DOK6: variants seen among roughly 807,000 people sequenced by gnomAD.
DOK6 encodes the protein downstream of tyrosine kinase 6.
DOK6 carries 22 observed loss-of-function variants against 44.0 expected under a neutral mutation model. That is an observed-to-expected ratio of 0.50 (90% confidence interval 0.36 to 0.71). The LOEUF (loss-of-function observed/expected upper bound fraction) is 0.71. DOK6 is among the 30% of genes least tolerant of loss of function. The pLI is 0.00. For synonymous variants in DOK6, 166 were observed against 145.5 expected (o/e 1.14, Z -1.01); for missense variants, 340 against 416.4 (o/e 0.82, Z 1.60).
Position 69,844,850 on chromosome 18 carries a change from G to A in DOK6, c.*3467G>A, listed in dbSNP as rs1045634360. The A allele has an allele frequency of 7.2e-5, 11 of 152,272 alleles. No individual in the cohort carries two copies. Among genetic ancestry groups the A allele is most frequent in the South Asian group, 2.1e-4 (1 of 4,824 alleles). The allele number at this position is 152,272 out of a possible 1,614,324, so 9.4% of individuals were successfully genotyped here. On this transcript the variant is annotated 3_prime_UTR_variant, in exon 8 of 8. Coordinates refer to ENST00000382713, the MANE Select transcript of DOK6 (RefSeq NM_152721.6). The stretch of plus-strand genomic sequence containing the variant: ...TAGAGAACTAGTCCTAGTATCTTGC[G>A]TAATTCTTCTCTGTCTTCATTGGGA...
intron 1 of DOK6, among the ~76,000 whole-genome samples, chr18:69,462,395 T>C (rs760008788): frequency 1.3e-5 from 2 of 152,012 alleles, no homozygotes; most frequent in Non-Finnish European, 2.9e-5. Flanking sequence ...TGTCTGTGTG[T>C]ATGTGTGTGT....
chr18:69,843,757 G>C lies in DOK6; in HGVS notation c.*2374G>C, dbSNP rs546618135. ...GCCAGTTCATTCTGAAAATGATGTC[G>C]TAAAAAGAGTATGTGTGAGAGAAAT... On this transcript the variant is annotated 3_prime_UTR_variant, in exon 8 of 8. Coordinates refer to ENST00000382713, the MANE Select transcript of DOK6 (RefSeq NM_152721.6). 1 of 152,198 alleles carries C rather than the reference G, an allele frequency of 6.6e-6. No individual in the cohort carries two copies. Among genetic ancestry groups the C allele is most frequent in the Admixed American group, 6.5e-5 (1 of 15,276 alleles). 9.4% of individuals were successfully genotyped at this position (152,198 alleles called of 1,614,324 possible). A position where few individuals can be genotyped will look rare whatever the true frequency, so the allele number is the denominator to read the frequency against.
rs60662789 is a variant in DOK6, at chr18:69,694,058, C to CAAAAAAAAAAAAAA, written c.410-4327_410-4314dup. On this transcript the variant is annotated intron_variant, in intron 4 of 7. Transcript: ENST00000382713. ...TGGGCGACAGAGCGAGACTCCGTGT[C>CAAAAAAAAAAAAAA]AAAAAAAAAAAAAAAAAAAAAAAAA... 4.8e-4 allele frequency among the ~76,000 whole-genome samples: 30 copies of CAAAAAAAAAAAAAA among 62,006 alleles called. 1 individual carries two copies. Among genetic ancestry groups the CAAAAAAAAAAAAAA allele is most frequent in the East Asian group, 2.1e-3 (3 of 1,436 alleles). The allele number at this position is 62,006 out of a possible 152,430, so 40.7% of individuals were successfully genotyped here. A position where few individuals can be genotyped will look rare whatever the true frequency, so the allele number is the denominator to read the frequency against.
At chr18:69,589,323 GTACTATTT>G (rs1418145480) in intron 2 of DOK6, among the ~76,000 whole-genome samples, 1 of 151,748 alleles carries the variant, frequency 6.6e-6, no homozygotes, top group Non-Finnish European at 1.5e-5. Context: ...CTCCTAGAAG[GTACTATTT>G]TACTCTCAAA....
chr18:69,481,750 G>A (rs533357271), intron 1 of DOK6, among the ~76,000 whole-genome samples: 31 of 152,172 alleles, frequency 2.0e-4, no homozygotes, highest in Non-Finnish European at 4.1e-4. Flanking sequence ...TAATGGGATG[G>A]CTGGGTCAAA....
chr18:69,458,009 G>A (rs1481701913), intron 1 of DOK6, among the ~76,000 whole-genome samples: 1 of 152,152 alleles, frequency 6.6e-6, no homozygotes, highest in Non-Finnish European at 1.5e-5. Context: ...TGGGCGTGGT[G>A]GCGCATGCCT....
In DOK6 at chr18:69,841,505, C is replaced by T; in HGVS notation, c.*122C>T. On this transcript the variant is annotated 3_prime_UTR_variant, in exon 8 of 8. Transcript: ENST00000382713. ...AATTGAAATGGGTCGGCTCTAGCCCCAGTCCCATTGGAAGGTTAAAAACTG... is the reference window on the plus strand; with the variant it reads ...AATTGAAATGGGTCGGCTCTAGCCCTAGTCCCATTGGAAGGTTAAAAACTG... The T allele has an allele frequency of 1.5e-6, 2 of 1,354,024 alleles. No individual in the cohort carries two copies. Among genetic ancestry groups the T allele is most frequent in the Non-Finnish European group, 2.0e-6 (2 of 1,020,426 alleles). 83.9% of individuals were successfully genotyped at this position (1,354,024 alleles called of 1,614,324 possible).
At chr18:69,681,671 G>A (rs1986048266) in intron 4 of DOK6, among the ~76,000 whole-genome samples, 2 of 152,286 alleles carry the variant, frequency 1.3e-5, no homozygotes, top group South Asian at 2.1e-4. Flanking sequence ...GGATCTCCAG[G>A]TCTTTCAGTA....
In DOK6 at chr18:69,518,465, G is replaced by C. The variant is rs939694262; in HGVS notation, c.67-46022G>C. On this transcript the variant is annotated intron_variant, in intron 1 of 7. Coordinates refer to ENST00000382713, the MANE Select transcript of DOK6 (RefSeq NM_152721.6). The stretch of plus-strand genomic sequence containing the variant: ...ATGGTCAGTTATAAGGAAATACCTT[G>C]GTTACTTACAAAAAATATTGCATTG... Among the ~76,000 whole-genome samples the C allele has an allele frequency of 2.6e-5, 4 of 151,942 alleles. No homozygotes were observed. The East Asian group carries it at 7.7e-4, about 29-fold the overall frequency.
chr18:69,458,502 C>T (rs1979692701), intron 1 of DOK6, among the ~76,000 whole-genome samples: 1 of 152,152 alleles, frequency 6.6e-6, no homozygotes. Context: ...TGCCCACTCT[C>T]ACCACTCCTA....
In DOK6 at chr18:69,846,289, CT is replaced by C. The variant is rs1446150496; in HGVS notation, c.*4907del. 1 of 152,168 alleles carries C rather than the reference CT, an allele frequency of 6.6e-6. No homozygotes were observed. The highest frequency in any genetic ancestry group is 1.5e-5 in the Non-Finnish European group (1 of 68,030). 9.4% of individuals were successfully genotyped at this position (152,168 alleles called of 1,614,324 possible). ...GGGAGAAAACTGAAACCCATGGATG[CT>C]GTAATTTGTTTAACGGCAAAGAAAG... On this transcript the variant is annotated 3_prime_UTR_variant, in exon 8 of 8. Coordinates refer to ENST00000382713, the MANE Select transcript of DOK6 (RefSeq NM_152721.6).
At chr18:69,793,925 CTCTTT>C (rs1980670817) in intron 7 of DOK6, among the ~76,000 whole-genome samples, 1 of 152,038 alleles carries the variant, frequency 6.6e-6, no homozygotes, top group African/African-American at 2.4e-5. Context: ...AAACTGAGGA[CTCTTT>C]TCTTGTTTTG....
intron 7 of DOK6, among the ~76,000 whole-genome samples, chr18:69,807,294 A>G (rs1449856631): frequency 6.6e-6 from 1 of 151,952 alleles, no homozygotes; most frequent in African/African-American, 2.4e-5. Flanking sequence ...TAGTAGATAC[A>G]CAGAAAACAG....
At position 69,728,344 on chromosome 18, in the gene DOK6, C is replaced by CA. The variant is rs142235537; in HGVS notation, c.600-10620dup. Among the ~76,000 whole-genome samples, 718 of 152,324 alleles carry CA rather than the reference C, an allele frequency of 4.7e-3. 3 individuals are homozygous for CA. Among genetic ancestry groups the CA allele is most frequent in the African/African-American group, 0.016 (658 of 41,560 alleles). On this transcript the variant is annotated intron_variant, in intron 5 of 7. Coordinates refer to ENST00000382713, the MANE Select transcript of DOK6 (RefSeq NM_152721.6). ...TCTAATTTTTTTCCCCACAGTCACCCAGGTCCAGATGGAACAAGGTTGCCT... is the reference window on the plus strand; with the variant it reads ...TCTAATTTTTTTCCCCACAGTCACCCAAGGTCCAGATGGAACAAGGTTGCCT...
At chr18:69,504,867 T>C (rs962919945) in intron 1 of DOK6, among the ~76,000 whole-genome samples, 1 of 152,206 alleles carries the variant, frequency 6.6e-6, no homozygotes, top group Non-Finnish European at 1.5e-5. Context: ...TCAGTTTTGT[T>C]ACAGGAAAAA....
intron 1 of DOK6, among the ~76,000 whole-genome samples, chr18:69,502,470 A>C (rs1180551165): frequency 6.6e-6 from 1 of 152,156 alleles, no homozygotes; most frequent in Non-Finnish European, 1.5e-5. Flanking sequence ...AGAGACTCTC[A>C]GAAGAGGTTA....
chr18:69,665,764 C>T (rs1243349955), intron 3 of DOK6, among the ~76,000 whole-genome samples: 1 of 151,512 alleles, frequency 6.6e-6, no homozygotes, highest in Admixed American at 6.6e-5. Flanking sequence ...TTTGATTTTA[C>T]TTGGTTCCAT....
chr18:69,565,711 A>T (rs1982961586), intron 2 of DOK6, among the ~76,000 whole-genome samples: 1 of 152,090 alleles, frequency 6.6e-6, no homozygotes, highest in East Asian at 1.9e-4. Context: ...ACTGCCAGAG[A>T]ATACAACTTT....
chr18:69,731,296 T>C (rs1433162699), intron 5 of DOK6, among the ~76,000 whole-genome samples: 2 of 152,216 alleles, frequency 1.3e-5, no homozygotes, highest in African/African-American at 4.8e-5. Flanking sequence ...TAACTATTTA[T>C]GTTTTTAAAA....
Sources: allele counts gnomAD v4.1 joint callset (sites outside exome capture counted in the v4.1 genomes callset), GRCh38; gene constraint gnomAD v4.1.1; transcripts MANE v1.5; gene names NCBI Gene and HGNC (gene_info 2026-07-23, HGNC 2026-07-21).